GRM5: variants seen among roughly 807,000 people sequenced by gnomAD.
GRM5 encodes the protein metabotropic glutamate receptor 5.
GRM5 carries 19 observed loss-of-function variants against 83.1 expected under a neutral mutation model. That is an observed-to-expected ratio of 0.23 (90% CI 0.16 to 0.34). The LOEUF (loss-of-function observed/expected upper bound fraction) is 0.34, where lower values mean the gene tolerates loss of function less well. Ranked by LOEUF, GRM5 falls within the 10% of genes least tolerant of loss-of-function variation. GRM5 has a pLI of 1.00. For missense variants in GRM5, 1,160 were observed against 1,588.3 expected (o/e 0.73, Z 4.58); for synonymous variants, 675 against 633.6 (o/e 1.07, Z -0.98).
At chr11:88,960,584 A>T (rs950581855) in intron 2 of GRM5, among the ~76,000 whole-genome samples, 1 of 152,202 alleles carries the variant, frequency 6.6e-6, no homozygotes, top group Non-Finnish European at 1.5e-5. Flanking sequence ...AGTCTTAAGA[A>T]TAGATAGTAG....
At chr11:88,607,099 G>A (rs896299048) in intron 4 of GRM5, among the ~76,000 whole-genome samples, 5 of 152,170 alleles carry the variant, frequency 3.3e-5, no homozygotes, top group Admixed American at 1.3e-4. Flanking sequence ...AGTCTCCCTA[G>A]AGAAACTGGC....
chr11:88,546,314 C>T (rs1255664208), intron 8 of GRM5, among the ~76,000 whole-genome samples: 1 of 151,862 alleles, frequency 6.6e-6, no homozygotes, highest in Non-Finnish European at 1.5e-5. Flanking sequence ...AGTTGAAGTT[C>T]TTTGAGAGCT....
At chr11:88,912,005 C>T (rs578074436) in intron 2 of GRM5, 1 of 467,492 alleles carries the variant, frequency 2.1e-6, no homozygotes, top group Non-Finnish European at 4.4e-6. Flanking sequence ...CAGCATCTAA[C>T]CAGTTGGGGT....
At chr11:88,750,632 A>T (rs978142356) in intron 3 of GRM5, among the ~76,000 whole-genome samples, 1 of 152,170 alleles carries the variant, frequency 6.6e-6, no homozygotes, top group African/African-American at 2.4e-5. Flanking sequence ...TAGAATATAC[A>T]TTCTTACCAC....
intron 2 of GRM5, among the ~76,000 whole-genome samples, chr11:88,899,938 G>C (rs1945289551): frequency 6.6e-6 from 1 of 152,054 alleles, no homozygotes; most frequent in African/African-American, 2.4e-5. Flanking sequence ...TCACAAAGCT[G>C]ATCCTCCCAA....
At chr11:88,975,596 G>A (rs1482364325) in intron 2 of GRM5, among the ~76,000 whole-genome samples, 3 of 152,130 alleles carry the variant, frequency 2.0e-5, no homozygotes, top group Admixed American at 2.0e-4. Context: ...AGAAACATTG[G>A]CATCACCTGG....
At chr11:88,870,617 T>C (rs1242844890) in intron 2 of GRM5, among the ~76,000 whole-genome samples, 2 of 151,616 alleles carry the variant, frequency 1.3e-5, no homozygotes, top group Non-Finnish European at 3.0e-5. Flanking sequence ...ATAGACCAAC[T>C]AACAGATAGG....
chr11:88,904,185 A>C (rs1945365512), intron 2 of GRM5, among the ~76,000 whole-genome samples: 1 of 152,204 alleles, frequency 6.6e-6, no homozygotes, highest in African/African-American at 2.4e-5. Flanking sequence ...ACCTCACAAA[A>C]GAGAAAATTA....
intron 2 of GRM5, among the ~76,000 whole-genome samples, chr11:89,013,200 T>C (rs59766776): frequency 0.029 from 4,362 of 152,254 alleles, 190 homozygotes; most frequent in African/African-American, 0.098. Flanking sequence ...AGATGACAAA[T>C]ATTGGAAGCT....
At chr11:88,511,427 A>G (rs1019356900) in intron 9 of GRM5, among the ~76,000 whole-genome samples, 1 of 151,990 alleles carries the variant, frequency 6.6e-6, no homozygotes, top group Non-Finnish European at 1.5e-5. Context: ...CTCTTTCCAC[A>G]CTGCTTCCCA....
intron 2 of GRM5, among the ~76,000 whole-genome samples, chr11:88,889,831 C>A (rs1382256606): frequency 1.3e-5 from 2 of 152,044 alleles, no homozygotes; most frequent in African/African-American, 4.8e-5. Context: ...TGCCACAGAC[C>A]CCATTGTGGG....
At chr11:88,540,501 T>C (rs1942241819) in intron 8 of GRM5, among the ~76,000 whole-genome samples, 1 of 152,046 alleles carries the variant, frequency 6.6e-6, no homozygotes, top group Non-Finnish European at 1.5e-5. Flanking sequence ...TGCTTACTTT[T>C]GATAGATGCA....
chr11:88,609,114 G>A (rs1340239082), intron 4 of GRM5, among the ~76,000 whole-genome samples: 1 of 152,108 alleles, frequency 6.6e-6, no homozygotes, highest in Non-Finnish European at 1.5e-5. Flanking sequence ...CATAGTTCCT[G>A]ATAGGTAGCC....
chr11:89,044,881 T>C (rs905490815), intron 2 of GRM5, among the ~76,000 whole-genome samples: 1 of 150,502 alleles, frequency 6.6e-6, no homozygotes, highest in African/African-American at 2.4e-5. Flanking sequence ...CCTTAGAGAG[T>C]TCCCACAGTA....
chr11:88,865,325 A>C (rs187198338), intron 2 of GRM5, among the ~76,000 whole-genome samples: 15 of 152,296 alleles, frequency 9.8e-5, no homozygotes, highest in African/African-American at 3.4e-4. Flanking sequence ...TCCCCTATTT[A>C]ATAAATGGTG....
chr11:88,526,955 C>T (rs939056308), intron 8 of GRM5, among the ~76,000 whole-genome samples: 2 of 151,848 alleles, frequency 1.3e-5, no homozygotes, highest in Non-Finnish European at 2.9e-5. Context: ...ATAAGAAATA[C>T]GTACACAAGT....
chr11:88,824,338 C>T (rs1364648972), intron 3 of GRM5, among the ~76,000 whole-genome samples: 1 of 152,086 alleles, frequency 6.6e-6, no homozygotes, highest in Non-Finnish European at 1.5e-5. Flanking sequence ...ACTACCAGAG[C>T]TAGATTACAT....
chr11:89,026,668 G>C (rs897508331), intron 2 of GRM5, among the ~76,000 whole-genome samples: 1 of 152,100 alleles, frequency 6.6e-6, no homozygotes, highest in African/African-American at 2.4e-5. Context: ...TAACACATGA[G>C]AGTCATTCAG....
At chr11:88,568,166 G>A (rs1942911124) in intron 7 of GRM5, among the ~76,000 whole-genome samples, 174 bp from the exon 8 acceptor site, 1 of 152,178 alleles carries the variant, frequency 6.6e-6, no homozygotes, top group African/African-American at 2.4e-5. Flanking sequence ...AAACGTTAAT[G>A]ATGATATTAC....
Sources: gnomAD v4.1 joint callset for allele counts (sites outside exome capture counted in the v4.1 genomes callset) on GRCh38, gnomAD v4.1.1 for gene constraint, MANE v1.5 for transcripts, NCBI Gene and HGNC (gene_info 2026-07-23, HGNC 2026-07-21) for gene names.